The following TANC1 variants were observed in gnomAD, a reference collection of about 807,000 sequenced individuals.
TANC1 encodes tetratricopeptide repeat, ankyrin repeat and coiled-coil containing 1, also known as protein TANC1.
Under a neutral mutation model 149.7 loss-of-function variants are expected in TANC1, and 77 were observed. The ratio of observed to expected loss-of-function variants is 0.51; its 90% confidence interval spans 0.43 to 0.62. The LOEUF (loss-of-function observed/expected upper bound fraction) is 0.62. Ranked by LOEUF, TANC1 falls within the 20% of genes least tolerant of loss-of-function variation. TANC1 has a pLI of 0.00. For missense variants in TANC1, 1,985 were observed against 2,321.8 expected (o/e 0.85, Z 2.98); for synonymous variants, 854 against 925.0 (o/e 0.92, Z 1.39).
chr2:159,198,388 C>T (rs1035794442), intron 18 of TANC1, among the ~76,000 whole-genome samples: 2 of 152,146 alleles, frequency 1.3e-5, no homozygotes, highest in African/African-American at 4.8e-5. Context: ...CGTGTTCTCC[C>T]GTTGCTCGCT....
chr2:159,175,141 T>G lies in TANC1; in HGVS notation c.1692T>G (p.Ala564=), dbSNP rs1351437394. 1.1e-5 allele frequency: 17 copies of G among 1,613,984 alleles called. No individual in the cohort carries two copies. The highest frequency in any genetic ancestry group is 1.4e-5 in the Non-Finnish European group (16 of 1,180,012). Residue 564 remains alanine, a synonymous_variant, in exon 12 of 27, where the codon GCT becomes GCG. Transcript: ENST00000263635. The part of the protein sequence containing the change: ...LRSCVQDPVA[A]FKRGVLEPLT... ...CCTGTGTGCAGGACCCGGTGGCAGC[T>G]TTCAAGAGGGGAGTGCTGGAGCCAC...
rs1483626160 is a variant in TANC1 at position 159,225,738 on chromosome 2, C to G, written c.3862C>G (p.Leu1288Val). Residue 1288 changes from leucine to valine, a missense_variant, in exon 24 of 27, where the codon CTT becomes GTT. Leu to Val is a conservative substitution (Grantham distance 32). Coordinates refer to ENST00000263635, the MANE Select transcript of TANC1 (RefSeq NM_033394.3). ...ATSKPDILII[L>V]LQKLMEEGNV... Reference sequence around the variant, plus strand: ...TTCCAAACCTGATATCTTGATTATACTTTTACAGAAATTAATGGAGGAAGG... The same window carrying G: ...TTCCAAACCTGATATCTTGATTATAGTTTTACAGAAATTAATGGAGGAAGG... 6.2e-7 allele frequency: 1 copy of G among 1,614,140 alleles called. No individual in the cohort carries two copies.
At chr2:159,117,953 C>CTGGAGTTTTTCTG (rs1559292549) in intron 4 of TANC1, among the ~76,000 whole-genome samples, 24 of 73,986 alleles carry the variant, frequency 3.2e-4, no homozygotes, top group East Asian at 2.1e-3. Context: ...GAGTTTTTCT[C>CTGGAGTTTTTCTG]TACTGGAGTT....
At chr2:159,065,643 T>TTG (rs1001412112) in intron 2 of TANC1, among the ~76,000 whole-genome samples, 1 of 151,382 alleles carries the variant, frequency 6.6e-6, no homozygotes, top group African/African-American at 2.4e-5. Context: ...CACTATTGTT[T>TTG]TTTTTTTTTT....
At chr2:159,086,503 C>T (rs779285275) in intron 3 of TANC1, among the ~76,000 whole-genome samples, 2 of 151,938 alleles carry the variant, frequency 1.3e-5, no homozygotes, top group African/African-American at 2.4e-5. Flanking sequence ...GGGCATAGCT[C>T]GAGGTGCCTG....
rs149121185 is a variant in TANC1 at position 159,001,345 on chromosome 2, G to A, written c.-16+156G>A. Reference sequence around the variant, plus strand: ...GCCACTGGTGAGCCAGCGCCTCCAGGGGAGAGAAGCCCTGTCAAAAGCAGA... The same window carrying A: ...GCCACTGGTGAGCCAGCGCCTCCAGAGGAGAGAAGCCCTGTCAAAAGCAGA... On this transcript the variant is annotated intron_variant, in intron 2 of 26. Coordinates refer to ENST00000263635, the MANE Select transcript of TANC1 (RefSeq NM_033394.3). The surrounding 1 kb of genome is among the most constrained non-coding windows in gnomAD (Gnocchi z 4.3). Among the ~76,000 whole-genome samples the A allele has an allele frequency of 1.2e-3, 183 of 152,290 alleles. No individual in the cohort carries two copies. Among genetic ancestry groups the A allele is most frequent in the African/African-American group, 4.0e-3 (165 of 41,538 alleles).
At chr2:159,197,150 A>G (rs1324711752) in intron 18 of TANC1, among the ~76,000 whole-genome samples, 1 of 152,216 alleles carries the variant, frequency 6.6e-6, no homozygotes, top group East Asian at 1.9e-4. Context: ...TTTAAAAATA[A>G]TCACATAGAA....
At chr2:159,180,914 A>T (rs199649692) in intron 14 of TANC1, among the ~76,000 whole-genome samples, 1 of 152,158 alleles carries the variant, frequency 6.6e-6, no homozygotes, top group South Asian at 2.1e-4. Flanking sequence ...ACCTCACAAG[A>T]GGGAGAAGCT....
intron 2 of TANC1, chr2:159,056,805 T>A: frequency 2.9e-6 from 1 of 343,790 alleles, no homozygotes; most frequent in Non-Finnish European, 6.1e-6. Context: ...GTTGGGCAGA[T>A]TAGGAAAGTC....
At chr2:159,053,730 G>C (rs963402497) in intron 2 of TANC1, among the ~76,000 whole-genome samples, 7 of 152,138 alleles carry the variant, frequency 4.6e-5, no homozygotes, top group African/African-American at 1.4e-4. Context: ...CTAACTTCTG[G>C]GTAAGTGTTA....
chr2:158,999,978 G>A (rs1317053618), intron 1 of TANC1, among the ~76,000 whole-genome samples: 1 of 152,166 alleles, frequency 6.6e-6, no homozygotes, highest in Non-Finnish European at 1.5e-5. Flanking sequence ...ATCTCACTGT[G>A]TTGCCCAGGC....
chr2:159,132,853 G>A (rs1403117116), intron 4 of TANC1, among the ~76,000 whole-genome samples: 1 of 151,894 alleles, frequency 6.6e-6, no homozygotes, highest in Non-Finnish European at 1.5e-5. Context: ...TGAGTATCCT[G>A]GCTCCTCAGG....
chr2:159,005,033 G>A (rs1265628541), intron 2 of TANC1, among the ~76,000 whole-genome samples: 1 of 152,228 alleles, frequency 6.6e-6, no homozygotes, highest in Non-Finnish European at 1.5e-5. Context: ...GTTATCTGCA[G>A]CAGGAACATG....
At chr2:159,030,183 G>A (rs1360539339) in intron 2 of TANC1, among the ~76,000 whole-genome samples, 1 of 152,086 alleles carries the variant, frequency 6.6e-6, no homozygotes, top group African/African-American at 2.4e-5. Context: ...TGCAAGGTTG[G>A]AATTTTCTGG....
chr2:159,056,784 C>T (rs1025016275), intron 2 of TANC1: 15 of 348,476 alleles, frequency 4.3e-5, no homozygotes, highest in African/African-American at 3.1e-4. Flanking sequence ...CTTGTTCTTC[C>T]CGTCCATGAA....
intron 4 of TANC1, among the ~76,000 whole-genome samples, chr2:159,106,554 G>A (rs186980738): frequency 1.2e-3 from 184 of 152,270 alleles, no homozygotes; most frequent in African/African-American, 4.3e-3. Context: ...CATGCCACTC[G>A]TTTTGTTTAT....
chr2:159,045,391 C>T (rs976238920), intron 2 of TANC1, among the ~76,000 whole-genome samples: 1 of 152,160 alleles, frequency 6.6e-6, no homozygotes, highest in Non-Finnish European at 1.5e-5. Flanking sequence ...GAGATTGCAC[C>T]ACTGCACAAC....
chr2:159,012,639 G>A (rs2037882691), intron 2 of TANC1, among the ~76,000 whole-genome samples: 1 of 152,126 alleles, frequency 6.6e-6, no homozygotes, highest in Non-Finnish European at 1.5e-5. Context: ...GTCAATTTCT[G>A]AAGTAACATT....
At chr2:159,184,077 T>G (rs1349155467) in intron 14 of TANC1, among the ~76,000 whole-genome samples, 5 of 152,218 alleles carry the variant, frequency 3.3e-5, no homozygotes, top group African/African-American at 4.8e-5. Context: ...AAATCTCTGT[T>G]CTGTCATCTA....
Sources: gnomAD v4.1 joint callset for allele counts (sites outside exome capture counted in the v4.1 genomes callset) on GRCh38, gnomAD v4.1.1 for gene constraint, Gnocchi (gnomAD v3.1) non-coding constraint, MANE v1.5 for transcripts, NCBI Gene and HGNC (gene_info 2026-07-23, HGNC 2026-07-21) for gene names.